The following HECTD4 variants were observed in gnomAD, a reference collection of about 807,000 sequenced individuals.
The protein encoded by HECTD4 is HECT domain E3 ubiquitin protein ligase 4, also known as probable E3 ubiquitin-protein ligase HECTD4.
A neutral mutation model predicts 471.5 loss-of-function variants in HECTD4; 114 were observed. The observed-to-expected ratio is 0.24, with a 90% CI of 0.21 to 0.28. The LOEUF is 0.28. Ranked by LOEUF, HECTD4 falls within the 10% of genes least tolerant of loss-of-function variation. The pLI is 1.00. For synonymous variants in HECTD4, 2,012 were observed against 2,256.0 expected, an observed-to-expected ratio of 0.89 and a Z score of 3.07; for missense variants, 3,866 against 5,651.5, an observed-to-expected ratio of 0.68 and a Z score of 10.13.
intron 71 of HECTD4, 107 bp downstream of exon 71, chr12:112,167,707 G>T: frequency 1.7e-6 from 2 of 1,147,796 alleles, no homozygotes; most frequent in Non-Finnish European, 2.6e-6. Flanking sequence ...GATTGGGAGG[G>T]TTTCTGAAAC....
intron 66 of HECTD4, 107 bp from the exon 67 acceptor site, chr12:112,172,968 G>T: frequency 1.0e-6 from 1 of 958,626 alleles, no homozygotes; most frequent in Non-Finnish European, 1.6e-6. Flanking sequence ...AGCACATTCA[G>T]AAGACGGCCT....
chr12:112,320,655 C>T (rs1016824104), intron 1 of HECTD4, among the ~76,000 whole-genome samples: 5 of 151,128 alleles, frequency 3.3e-5, no homozygotes, highest in Admixed American at 1.3e-4. Flanking sequence ...GAGCCGAGAT[C>T]GCACCACTGA....
intron 7 of HECTD4, among the ~76,000 whole-genome samples, chr12:112,293,251 G>A (rs2034931902): frequency 6.6e-6 from 1 of 151,096 alleles, no homozygotes; most frequent in Non-Finnish European, 1.5e-5. Context: ...TGTAATCCCA[G>A]CTACTCAGGA....
Position 112,204,404 on chromosome 12 carries a change from C to A in HECTD4, c.8269+82G>T, listed in dbSNP as rs1326904679. On this transcript the variant is annotated intron_variant, in intron 53 of 75. Transcript: ENST00000682272. ...AGGAGAGTCACCCTAGGAGAACCAC[C>A]AGCTGCTTGTGCACATTAAGGAAAA... is the stretch of plus-strand genomic sequence containing the variant. 7 of 1,318,838 alleles carry A rather than the reference C, an allele frequency of 5.3e-6. No homozygotes were observed. In the East Asian group the frequency reaches 1.4e-4, roughly 26 times the overall value. The allele number at this position is 1,318,838 out of a possible 1,614,324, so 81.7% of individuals were successfully genotyped here. A position where few individuals can be genotyped will look rare whatever the true frequency, so the allele number is the denominator to read the frequency against.
chr12:112,282,788 A>C (rs1464232050), intron 8 of HECTD4, among the ~76,000 whole-genome samples: 1 of 152,246 alleles, frequency 6.6e-6, no homozygotes, highest in Admixed American at 6.5e-5. Context: ...TTTAGGGAAG[A>C]TGATGCTAAG....
intron 7 of HECTD4, chr12:112,302,329 C>A (rs1052974937): frequency 1.3e-6 from 1 of 757,434 alleles, no homozygotes; most frequent in Admixed American, 1.8e-5. Flanking sequence ...CCTGGGCCAA[C>A]AGCCTCTGCT....
At chr12:112,344,356 C>T (rs992207210) in intron 1 of HECTD4, among the ~76,000 whole-genome samples, 1 of 152,136 alleles carries the variant, frequency 6.6e-6, no homozygotes, top group Non-Finnish European at 1.5e-5. Context: ...TATAACTGGT[C>T]CTCTGGTTTC....
chr12:112,373,890 A>C (rs2036729933), intron 1 of HECTD4, among the ~76,000 whole-genome samples: 1 of 149,106 alleles, frequency 6.7e-6, no homozygotes, highest in African/African-American at 2.5e-5. Context: ...TGTAATCCCA[A>C]CTACTCGGGA....
At chr12:112,341,751 G>A (rs1457048811) in intron 1 of HECTD4, among the ~76,000 whole-genome samples, 1 of 152,144 alleles carries the variant, frequency 6.6e-6, no homozygotes, top group Non-Finnish European at 1.5e-5. Context: ...TGGGGGCAGG[G>A]AGCAAGCAAT....
At chr12:112,232,964 TACA>T in intron 38 of HECTD4, 37 bp downstream of exon 38, 1 of 1,502,002 alleles carries the variant, frequency 6.7e-7, no homozygotes, top group Middle Eastern at 1.7e-4. Flanking sequence ...ACAAATACTC[TACA>T]ATTTCGGGTT....
At chr12:112,261,568 T>A (rs2034146168) in intron 17 of HECTD4, 139 bp from the exon 18 acceptor site, 3 of 861,310 alleles carry the variant, frequency 3.5e-6, no homozygotes, top group Non-Finnish European at 5.2e-6. Context: ...AAGCAGTAAA[T>A]TCTGCTAGAA....
chr12:112,273,881 G>A, intron 10 of HECTD4, 86 bp from the exon 11 acceptor site: 1 of 1,469,174 alleles, frequency 6.8e-7, no homozygotes, highest in Non-Finnish European at 9.3e-7. Flanking sequence ...CAAAGTGGAA[G>A]GGCAAGGATG....
At chr12:112,221,385 A>G (rs909353183) in intron 44 of HECTD4, among the ~76,000 whole-genome samples, 8 of 152,022 alleles carry the variant, frequency 5.3e-5, no homozygotes, top group Non-Finnish European at 1.2e-4. Context: ...AGTAGCTGGG[A>G]CTACAAGTAT....
At chr12:112,312,679 C>T (rs1378775044) in intron 4 of HECTD4, among the ~76,000 whole-genome samples, 1 of 152,114 alleles carries the variant, frequency 6.6e-6, no homozygotes, top group Non-Finnish European at 1.5e-5. Flanking sequence ...AGCAGTAAGA[C>T]CTGATATTCT....
chr12:112,332,540 CAAAAAAA>C (rs58503491), intron 1 of HECTD4, among the ~76,000 whole-genome samples: 2 of 63,022 alleles, frequency 3.2e-5, no homozygotes, highest in African/African-American at 5.2e-5. Context: ...GACTCTGTCT[CAAAAAAA>C]AAAAAAAAAA....
Position 112,210,093 on chromosome 12 carries a change from C to T in HECTD4, c.7789G>A (p.Ala2597Thr), listed in dbSNP as rs2135542662. ...GGGTCTGATGCAATACTGGTGCCAG[C>T]ATCATTGTCACTGTCAGATGCCATG... Reference protein sequence around the residue: ...FAMASDSDNDAGTSIASDPGT... With the variant: ...FAMASDSDNDTGTSIASDPGT... The change falls in exon 50 of 76, where the codon GCT (alanine) becomes ACT (threonine). Residue 2597 changes from alanine (A) to threonine (T), a missense_variant. Ala to Thr is a moderately conservative substitution (Grantham distance 58). Transcript: ENST00000682272. 1 of 1,614,052 alleles carries T rather than the reference C, an allele frequency of 6.2e-7. No individual in the cohort carries two copies. Among genetic ancestry groups the T allele is most frequent in the Non-Finnish European group, 8.5e-7 (1 of 1,179,906 alleles).
chr12:112,246,839 G>A, intron 29 of HECTD4, 62 bp downstream of exon 29: 1 of 1,451,170 alleles, frequency 6.9e-7, no homozygotes, highest in South Asian at 1.4e-5. Context: ...TGTCTTATAT[G>A]AACAGAGTAT....
intron 15 of HECTD4, 104 bp from the exon 16 acceptor site, chr12:112,265,399 T>C: frequency 1.3e-6 from 1 of 741,472 alleles, no homozygotes; most frequent in East Asian, 3.0e-5. Flanking sequence ...AGATACATAA[T>C]TGATTCTTAA....
At chr12:112,256,591 T>A (rs2135595345) in intron 20 of HECTD4, 73 bp from the exon 21 acceptor site, 2 of 1,066,588 alleles carry the variant, frequency 1.9e-6, no homozygotes, top group East Asian at 5.5e-5. Flanking sequence ...ATTAAATTGC[T>A]CTTTAATTTT....
Sources: gnomAD v4.1 joint callset for allele counts (sites outside exome capture counted in the v4.1 genomes callset) on GRCh38, gnomAD v4.1.1 for gene constraint, MANE v1.5 for transcripts, NCBI Gene and HGNC (gene_info 2026-07-23, HGNC 2026-07-21) for gene names.